Variants in COL13A1 observed in about 807,000 individuals in gnomAD.
COL13A1 encodes collagen type XIII alpha 1 chain, also known as collagen alpha-1(XIII) chain.
In COL13A1, 89 loss-of-function variants were observed where a neutral mutation model predicts 130.9. That is an observed-to-expected ratio of 0.68 (90% CI 0.57 to 0.81). The LOEUF is 0.81. Ranked by LOEUF, COL13A1 falls within the 30% of genes least tolerant of loss-of-function variation. The probability of loss-of-function intolerance (pLI) is 0.00; values close to 1 mark genes in which losing one functional copy is unlikely to be tolerated. For synonymous variants in COL13A1, 402 were observed against 341.6 expected, an observed-to-expected ratio of 1.18 and a Z score of -1.95; for missense variants, 879 against 934.6, an observed-to-expected ratio of 0.94 and a Z score of 0.78.
At position 69,802,003 on chromosome 10, in the gene COL13A1, T is replaced by G; in HGVS notation, c.-421T>G. ...AGCCGCCACGACCCACCTCTGCCCA[T>G]GGGGCCCTCCGTGTGCGCCCCTTCG... On this transcript the variant is annotated 5_prime_UTR_variant, in exon 1 of 41. It removes an upstream start codon present in the reference 5' UTR. Coordinates refer to ENST00000645393, the MANE Select transcript of COL13A1 (RefSeq NM_001368882.1). 3 of 167,232 alleles carry G rather than the reference T, an allele frequency of 1.8e-5. No individual in the cohort carries two copies. The highest frequency in any genetic ancestry group is 2.7e-3 in the Middle Eastern group (1 of 376). 10.4% of individuals were successfully genotyped at this position (167,232 alleles called of 1,614,324 possible).
intron 34 of COL13A1, 67 bp downstream of exon 34, chr10:69,937,782 G>C: frequency 1.3e-6 from 1 of 752,532 alleles, no homozygotes; most frequent in Non-Finnish European, 2.4e-6. Flanking sequence ...GGGACTGGGG[G>C]ACAGCCAGCG....
chr10:69,950,156 C>G (rs1405115287), intron 38 of COL13A1, among the ~76,000 whole-genome samples: 2 of 152,096 alleles, frequency 1.3e-5, no homozygotes, highest in Non-Finnish European at 2.9e-5. Context: ...CTCCCCCTCA[C>G]CAGCTGTCAG....
chr10:69,936,804 G>T (rs1565121620), intron 33 of COL13A1, 22 bp downstream of exon 33: 6 of 1,613,840 alleles, frequency 3.7e-6, no homozygotes, highest in Non-Finnish European at 3.4e-6. Flanking sequence ...TCACATGACA[G>T]GCGCTGTGTC....
At chr10:69,955,947 G>A (rs951788181) in intron 39 of COL13A1, 3 of 152,138 alleles carry the variant, frequency 2.0e-5, no homozygotes, top group African/African-American at 4.8e-5. Flanking sequence ...CTCCATATTG[G>A]GACCAATTTC....
rs1356252508 is a variant in COL13A1, at chr10:69,814,603, A to T, written c.295-7766A>T. 2.6e-5 allele frequency among the ~76,000 whole-genome samples: 4 copies of T among 152,252 alleles called. No homozygotes were observed. The East Asian group carries it at 7.7e-4, about 29-fold the overall frequency. ...GCTGTCTTGCGTAGTCTAGCAGATC[A>T]CTTAGATTATCTCCATTTTATGGAT... On this transcript the variant is annotated intron_variant, in intron 1 of 40. Coordinates refer to ENST00000645393, the MANE Select transcript of COL13A1 (RefSeq NM_001368882.1).
chr10:69,917,430 C>A, intron 18 of COL13A1, 97 bp downstream of exon 18: 1 of 1,045,714 alleles, frequency 9.6e-7, no homozygotes, highest in Non-Finnish European at 1.4e-6. Context: ...GGAGTCCCAG[C>A]TCTTTGGGCC....
chr10:69,851,508 G>T (rs1854796234), intron 2 of COL13A1, among the ~76,000 whole-genome samples: 1 of 152,276 alleles, frequency 6.6e-6, no homozygotes, highest in East Asian at 1.9e-4. Context: ...TTCCTGCCAG[G>T]ATGAAATATT....
At chr10:69,832,033 T>C (rs1043761531) in intron 2 of COL13A1, among the ~76,000 whole-genome samples, 4 of 152,172 alleles carry the variant, frequency 2.6e-5, no homozygotes, top group African/African-American at 9.7e-5. Context: ...TCAGGTGACA[T>C]GGGGCTGTGA....
At chr10:69,917,979 C>T (rs2064135741) in intron 18 of COL13A1, among the ~76,000 whole-genome samples, 1 of 152,124 alleles carries the variant, frequency 6.6e-6, no homozygotes, top group Non-Finnish European at 1.5e-5. Flanking sequence ...GGACCCCCTC[C>T]CAGCCCCATC....
At chr10:69,904,881 A>G in intron 15 of COL13A1, 52 bp from the exon 16 acceptor site, 1 of 1,531,250 alleles carries the variant, frequency 6.5e-7, no homozygotes, top group Non-Finnish European at 8.8e-7. Flanking sequence ...AGCCCCAACC[A>G]GCTCTACTCA....
At chr10:69,946,856 C>T (rs1287203214) in intron 37 of COL13A1, among the ~76,000 whole-genome samples, 3 of 152,086 alleles carry the variant, frequency 2.0e-5, no homozygotes, top group Admixed American at 6.5e-5. Flanking sequence ...GGCATGATCT[C>T]GGCTCACTGC....
chr10:69,937,543 A>G, intron 33 of COL13A1, 92 bp from the exon 34 acceptor site: 1 of 677,254 alleles, frequency 1.5e-6, no homozygotes, highest in East Asian at 2.7e-5. Flanking sequence ...TCCTCTACAA[A>G]TGCCACCCCA....
chr10:69,900,086 A>G (rs2062035119), intron 14 of COL13A1, among the ~76,000 whole-genome samples: 1 of 152,196 alleles, frequency 6.6e-6, no homozygotes. Context: ...AGCACTCACC[A>G]GAGCATGGCT....
chr10:69,854,927 CAT>C (rs1281502180), intron 2 of COL13A1, among the ~76,000 whole-genome samples: 12 of 152,114 alleles, frequency 7.9e-5, no homozygotes, highest in Non-Finnish European at 2.9e-5. Context: ...ACAGCTTTGT[CAT>C]GTGTGTAAGG....
chr10:69,927,810 A>G (rs1193120755), intron 27 of COL13A1, among the ~76,000 whole-genome samples: 6 of 152,226 alleles, frequency 3.9e-5, no homozygotes, highest in Non-Finnish European at 7.3e-5. Flanking sequence ...CCAATCCCAG[A>G]AATTGCTATC....
chr10:69,900,946 G>A (rs2062123521), intron 14 of COL13A1, among the ~76,000 whole-genome samples: 3 of 152,122 alleles, frequency 2.0e-5, no homozygotes, highest in South Asian at 4.1e-4. Flanking sequence ...AAAGGAGCTC[G>A]GGAGTTTACT....
At chr10:69,825,936 G>A (rs1847374647) in intron 2 of COL13A1, among the ~76,000 whole-genome samples, 1 of 152,228 alleles carries the variant, frequency 6.6e-6, no homozygotes, top group African/African-American at 2.4e-5. Context: ...TTGCAGGCCT[G>A]AGAAGGATGC....
rs369886013 is a variant in COL13A1, at chr10:69,922,735, A to G, written c.1171A>G (p.Ile391Val). 8 of 1,607,084 alleles carry G rather than the reference A, an allele frequency of 5.0e-6. No individual in the cohort carries two copies. In the African/African-American group the frequency reaches 8.0e-5, roughly 16 times the overall value. The change falls in exon 23 of 41, where the codon ATT (isoleucine) becomes GTT (valine). Residue 391 changes from isoleucine (I) to valine (V), a missense_variant. Transcript: ENST00000645393. ...AGAGAAAGGCGATGCTGGCAACTCC[A>G]TTGGAGGAGGCAGAGGGGAACCTGG... is the stretch of plus-strand genomic sequence containing the variant. ...KGEKGDAGNSIGGGRGEPGPP... is the reference protein window; with the variant it reads ...KGEKGDAGNSVGGGRGEPGPP...
At chr10:69,870,965 C>T (rs1168091911) in intron 3 of COL13A1, among the ~76,000 whole-genome samples, 3 of 151,946 alleles carry the variant, frequency 2.0e-5, no homozygotes, top group Non-Finnish European at 2.9e-5. Flanking sequence ...CATGTGTCCT[C>T]GTAAGGGTGG....
Sources: allele counts gnomAD v4.1 joint callset (sites outside exome capture counted in the v4.1 genomes callset), GRCh38; gene constraint gnomAD v4.1.1; transcripts MANE v1.5; gene names NCBI Gene and HGNC (gene_info 2026-07-23, HGNC 2026-07-21).